Variants in PLS1 observed in about 807,000 individuals in gnomAD.
PLS1 encodes plastin 1.
Under a neutral mutation model 73.7 loss-of-function variants are expected in PLS1, and 32 were observed. The ratio of observed to expected loss-of-function variants is 0.43; its 90% CI spans 0.33 to 0.58. The LOEUF (loss-of-function observed/expected upper bound fraction) is 0.58. Ranked by LOEUF, PLS1 falls within the 20% of genes least tolerant of loss-of-function variation. PLS1 has a pLI of 0.04. For synonymous variants in PLS1, 217 were observed against 261.3 expected (o/e 0.83, Z 1.63); for missense variants, 633 against 740.5 (o/e 0.85, Z 1.68).
At chr3:142,616,698 G>A (rs929325363) in intron 1 of PLS1, among the ~76,000 whole-genome samples, 3 of 152,104 alleles carry the variant, frequency 2.0e-5, no homozygotes, top group Non-Finnish European at 4.4e-5. Flanking sequence ...TGTCTCCCGG[G>A]TTCTAGCGAT....
At position 142,598,663 on chromosome 3, in the gene PLS1, G is replaced by A. The variant is rs2035855311; in HGVS notation, c.-37+2154G>A. ...TGTTGAAAATGAATTTCAGGGTTGG[G>A]GTGTTAGTAATGGGTTTATAATGTT... On this transcript the variant is annotated intron_variant, in intron 1 of 15. Coordinates refer to ENST00000457734, the MANE Select transcript of PLS1 (RefSeq NM_001145319.2). 2.0e-5 allele frequency among the ~76,000 whole-genome samples: 3 copies of A among 152,258 alleles called. No homozygotes were observed. In the South Asian group the frequency reaches 6.2e-4, roughly 32 times the overall value.
chr3:142,630,488 C>T (rs2036534427), intron 1 of PLS1, among the ~76,000 whole-genome samples: 1 of 151,248 alleles, frequency 6.6e-6, no homozygotes, highest in Non-Finnish European at 1.5e-5. Flanking sequence ...TGCAGTGGCT[C>T]ATGCCTGTAA....
At chr3:142,646,527 G>T (rs1335774452) in intron 1 of PLS1, among the ~76,000 whole-genome samples, 1 of 152,208 alleles carries the variant, frequency 6.6e-6, no homozygotes, top group Non-Finnish European at 1.5e-5. Flanking sequence ...ATAGCTTTAG[G>T]TCTTGTCTTC....
chr3:142,634,948 TCTCA>T (rs913451801), intron 1 of PLS1, among the ~76,000 whole-genome samples: 4 of 152,082 alleles, frequency 2.6e-5, no homozygotes, highest in African/African-American at 7.2e-5. Context: ...AGAGACAGTT[TCTCA>T]CTCTGTCACC....
At chr3:142,692,679 A>G (rs2038111263) in intron 10 of PLS1, among the ~76,000 whole-genome samples, 1 of 152,162 alleles carries the variant, frequency 6.6e-6, no homozygotes, top group African/African-American at 2.4e-5. Flanking sequence ...ATGCAAGTTT[A>G]GTTATTTTAA....
chr3:142,612,739 A>G (rs1273576168), intron 1 of PLS1, among the ~76,000 whole-genome samples: 1 of 150,346 alleles, frequency 6.7e-6, no homozygotes, highest in Non-Finnish European at 1.5e-5. Flanking sequence ...GAAAAAAAAA[A>G]TCCCTTATTT....
intron 8 of PLS1, 120 bp downstream of exon 8, chr3:142,684,515 A>T: frequency 1.3e-6 from 1 of 783,278 alleles, no homozygotes; most frequent in Non-Finnish European, 2.0e-6. Flanking sequence ...GAAAATGAAA[A>T]TTTGCATTAC....
intron 1 of PLS1, among the ~76,000 whole-genome samples, chr3:142,661,080 A>T (rs547560059): frequency 6.6e-6 from 1 of 152,212 alleles, no homozygotes; most frequent in Non-Finnish European, 1.5e-5. Flanking sequence ...ATGCAGGATG[A>T]CTGAAACCAC....
intron 1 of PLS1, among the ~76,000 whole-genome samples, chr3:142,652,545 C>T (rs377620003): frequency 5.3e-5 from 8 of 152,152 alleles, no homozygotes; most frequent in East Asian, 1.9e-4. Flanking sequence ...AATCCATTAG[C>T]GCATCTATCT....
intron 1 of PLS1, among the ~76,000 whole-genome samples, chr3:142,621,047 A>G (rs992394767): frequency 3.9e-5 from 6 of 151,950 alleles, no homozygotes; most frequent in African/African-American, 1.2e-4. Flanking sequence ...AAAAGAGCAA[A>G]CAAGAACTGC....
chr3:142,707,859 G>A (rs1191469565), intron 14 of PLS1, among the ~76,000 whole-genome samples: 1 of 152,158 alleles, frequency 6.6e-6, no homozygotes, highest in Non-Finnish European at 1.5e-5. Context: ...AAGGGCATCT[G>A]TTTTACAGAA....
At chr3:142,702,726 T>TA (rs1269696132) in intron 12 of PLS1, among the ~76,000 whole-genome samples, 1 of 151,926 alleles carries the variant, frequency 6.6e-6, no homozygotes, top group South Asian at 2.1e-4. Context: ...CCAGGATAGA[T>TA]AAAAAAAATT....
rs778266057 is a variant in PLS1 at position 142,704,605 on chromosome 3, A to G, written c.1629+19A>G. The G allele has an allele frequency of 6.8e-7, 1 of 1,476,514 alleles. No individual in the cohort carries two copies. The highest frequency in any genetic ancestry group is 9.1e-7 in the Non-Finnish European group (1 of 1,102,410). The allele number at this position is 1,476,514 out of a possible 1,614,324, so 91.5% of individuals were successfully genotyped here. On this transcript the variant is annotated intron_variant, in intron 14 of 15. Transcript: ENST00000457734. ...CTTCAAGGTAATCAAGAGTCCTAAAAAAAATTTTTTTTTGTAGGTATAGGA... is the reference window on the plus strand; with the variant it reads ...CTTCAAGGTAATCAAGAGTCCTAAAGAAAATTTTTTTTTGTAGGTATAGGA...
intron 14 of PLS1, among the ~76,000 whole-genome samples, chr3:142,710,309 T>C (rs893012572): frequency 2.6e-5 from 4 of 151,850 alleles, no homozygotes; most frequent in African/African-American, 9.7e-5. Flanking sequence ...GGAGGAGGGG[T>C]TGCTGGCTTT....
At chr3:142,704,879 C>T (rs1343318984) in intron 14 of PLS1, among the ~76,000 whole-genome samples, 3 of 149,736 alleles carry the variant, frequency 2.0e-5, no homozygotes, top group Non-Finnish European at 4.4e-5. Context: ...AGGATGGTCT[C>T]GCTCTCCTGA....
chr3:142,675,359 A>G (rs2037698326), intron 4 of PLS1, among the ~76,000 whole-genome samples: 3 of 151,278 alleles, frequency 2.0e-5, no homozygotes, highest in East Asian at 3.9e-4. Flanking sequence ...CTAATAGATC[A>G]GTTTTTTGTT....
At position 142,680,867 on chromosome 3, in the gene PLS1, G is replaced by A. The variant is rs58911222; in HGVS notation, c.579+2754G>A. ...GCAGAGCCAGGATGTGATCCCAGTC[G>A]TCTAGCGCCAGAGCTCATTTCTTAA... On this transcript the variant is annotated intron_variant, in intron 6 of 15. Transcript: ENST00000457734. Among the ~76,000 whole-genome samples, 1,037 of 152,244 alleles carry A rather than the reference G, an allele frequency of 6.8e-3. 9 individuals are homozygous for A. Among genetic ancestry groups the A allele is most frequent in the African/African-American group, 0.024 (988 of 41,528 alleles).
chr3:142,632,036 A>C (rs2036576123), intron 1 of PLS1, among the ~76,000 whole-genome samples: 1 of 152,208 alleles, frequency 6.6e-6, no homozygotes, highest in Non-Finnish European at 1.5e-5. Flanking sequence ...AAACAACCTA[A>C]TTAAAAAGTG....
At chr3:142,682,280 G>C (rs73230561) in intron 6 of PLS1, among the ~76,000 whole-genome samples, 13 of 152,296 alleles carry the variant, frequency 8.5e-5, no homozygotes, top group African/African-American at 2.9e-4. Flanking sequence ...AAGAGTTAAT[G>C]GGTCTTTTAG....
Sources: gnomAD v4.1 joint callset for allele counts (sites outside exome capture counted in the v4.1 genomes callset) on GRCh38, gnomAD v4.1.1 for gene constraint, MANE v1.5 for transcripts, NCBI Gene and HGNC (gene_info 2026-07-23, HGNC 2026-07-21) for gene names.